TBC1D8: variants seen among roughly 807,000 people sequenced by gnomAD.
TBC1D8 encodes BUB2-like protein 1.
In TBC1D8, 65 loss-of-function variants were observed where a neutral mutation model predicts 118.8. That is an observed-to-expected ratio of 0.55 (90% CI 0.45 to 0.67). The LOEUF is 0.67. TBC1D8 is among the 30% of genes least tolerant of loss of function. TBC1D8 has a pLI of 0.00. For missense variants in TBC1D8, 1,376 were observed against 1,471.2 expected (o/e 0.94, Z 1.06); for synonymous variants, 566 against 595.8 (o/e 0.95, Z 0.73).
At chr2:101,046,532 C>T (rs1028051975) in intron 5 of TBC1D8, among the ~76,000 whole-genome samples, 2 of 152,088 alleles carry the variant, frequency 1.3e-5, no homozygotes, top group Admixed American at 6.6e-5. Context: ...TGTCAGGCTG[C>T]GGGAGCCCCT....
rs144990163 is a variant in TBC1D8 at position 101,009,821 on chromosome 2, C to CATTTTTT, written c.3015+1107_3015+1108insAAAAAAT. ...TGACTTAAGTCCTATAAAAAAGGAG[C>CATTTTTT]TTTTTCTTTTTTTTTTTTGAGATGG... On this transcript the variant is annotated intron_variant, in intron 19 of 19. Transcript: ENST00000409318. 3.0e-5 allele frequency among the ~76,000 whole-genome samples: 4 copies of CATTTTTT among 134,192 alleles called. 1 individual carries two copies. Among genetic ancestry groups the CATTTTTT allele is most frequent in the South Asian group, 2.3e-4 (1 of 4,432 alleles). The allele number at this position is 134,192 out of a possible 152,430, so 88.0% of individuals were successfully genotyped here.
At chr2:101,142,452 T>A (rs1368444439) in intron 1 of TBC1D8, among the ~76,000 whole-genome samples, 9 of 152,132 alleles carry the variant, frequency 5.9e-5, no homozygotes, top group African/African-American at 2.2e-4. Flanking sequence ...TGTATACCTG[T>A]GTGAACACTA....
chr2:101,017,535 A>G (rs1679745218), intron 17 of TBC1D8, among the ~76,000 whole-genome samples: 1 of 152,218 alleles, frequency 6.6e-6, no homozygotes, highest in Admixed American at 6.5e-5. Flanking sequence ...ACCATCATAC[A>G]TGCTGTCTAT....
intron 2 of TBC1D8, among the ~76,000 whole-genome samples, chr2:101,071,262 G>A (rs1333922069): frequency 6.6e-6 from 1 of 152,132 alleles, no homozygotes; most frequent in East Asian, 1.9e-4. Context: ...GGAGAATGGT[G>A]TGAACCCGGG....
chr2:101,046,601 T>C (rs1681720812), intron 5 of TBC1D8, among the ~76,000 whole-genome samples: 1 of 151,530 alleles, frequency 6.6e-6, no homozygotes, highest in Admixed American at 6.6e-5. Context: ...CGAGCTAGAA[T>C]TAGAGGGATG....
At chr2:101,127,622 CAA>C (rs754778134) in intron 1 of TBC1D8, among the ~76,000 whole-genome samples, 17 of 152,192 alleles carry the variant, frequency 1.1e-4, no homozygotes, top group Admixed American at 3.3e-4. Flanking sequence ...ACTACAGACT[CAA>C]ACTCTTGGGC....
chr2:101,148,686 T>C (rs1456813490), intron 1 of TBC1D8, among the ~76,000 whole-genome samples: 4 of 152,134 alleles, frequency 2.6e-5, no homozygotes, highest in Admixed American at 2.0e-4. Flanking sequence ...AGCATCACAA[T>C]AAAGGAAAAG....
At chr2:101,139,177 T>C (rs1279460267) in intron 1 of TBC1D8, among the ~76,000 whole-genome samples, 3 of 151,848 alleles carry the variant, frequency 2.0e-5, no homozygotes, top group Non-Finnish European at 4.4e-5. Context: ...TTGGATGAGG[T>C]GAACTACTCC....
chr2:101,130,834 C>G (rs747023084), intron 1 of TBC1D8, among the ~76,000 whole-genome samples: 1 of 152,174 alleles, frequency 6.6e-6, no homozygotes, highest in Non-Finnish European at 1.5e-5. Flanking sequence ...GAATGGCCTT[C>G]TTTTCCAAGG....
At chr2:101,075,873 T>C (rs1365617285) in intron 2 of TBC1D8, among the ~76,000 whole-genome samples, 2 of 152,202 alleles carry the variant, frequency 1.3e-5, no homozygotes, top group African/African-American at 4.8e-5. Flanking sequence ...ACACAGTGAA[T>C]ATATTTTTAA....
At chr2:101,148,603 T>G (rs1679417289) in intron 1 of TBC1D8, among the ~76,000 whole-genome samples, 1 of 152,182 alleles carries the variant, frequency 6.6e-6, no homozygotes, top group Non-Finnish European at 1.5e-5. Flanking sequence ...CTGATAGTAT[T>G]TCTGAAGTTA....
chr2:101,103,771 C>T (rs561405041), intron 1 of TBC1D8, among the ~76,000 whole-genome samples: 3 of 152,216 alleles, frequency 2.0e-5, no homozygotes, highest in African/African-American at 4.8e-5. Flanking sequence ...AGAAACTGGA[C>T]ATTTTCCCAC....
In TBC1D8 at chr2:101,090,360, G is replaced by A. The variant is rs372195854; in HGVS notation, c.132C>T (p.Arg44=). The part of the protein sequence containing the change: ...HGEGGGRLTG[R]LVGALDAVLD... ...ACACTGCATCCAGAGCGCCGACCAG[G>A]CGACCTTCAAAAGAAAAGAGAAGAA... The change falls in exon 2 of 20, where the codon CGC becomes CGT. Residue 44 remains arginine (R), a synonymous_variant. Transcript: ENST00000409318. 3 of 1,613,794 alleles carry A rather than the reference G, an allele frequency of 1.9e-6. No individual in the cohort carries two copies. Among genetic ancestry groups the A allele is most frequent in the African/African-American group, 2.7e-5 (2 of 74,906 alleles).
intron 1 of TBC1D8, among the ~76,000 whole-genome samples, chr2:101,127,741 G>A (rs1678416689): frequency 6.6e-6 from 1 of 152,176 alleles, no homozygotes. Context: ...AGAGAGATGA[G>A]TCCAACCTCC....
At chr2:101,031,001 C>T (rs1680637639) in intron 11 of TBC1D8, among the ~76,000 whole-genome samples, 1 of 152,080 alleles carries the variant, frequency 6.6e-6, no homozygotes, top group Non-Finnish European at 1.5e-5. Flanking sequence ...CAGAAGAGAA[C>T]TTGCTGGGGT....
At chr2:101,012,681 G>A (rs533004155) in intron 17 of TBC1D8, among the ~76,000 whole-genome samples, 3 of 151,902 alleles carry the variant, frequency 2.0e-5, no homozygotes, top group East Asian at 3.9e-4. Flanking sequence ...TGCATGGTGC[G>A]TGAAATATAT....
intron 1 of TBC1D8, among the ~76,000 whole-genome samples, chr2:101,142,275 A>G (rs565748203): frequency 7.7e-4 from 117 of 152,294 alleles, no homozygotes; most frequent in African/African-American, 2.6e-3. Context: ...GCTGTTCACA[A>G]AAGTCCCAGT....
chr2:101,045,937 G>A (rs1558650546), intron 5 of TBC1D8, among the ~76,000 whole-genome samples: 1 of 152,128 alleles, frequency 6.6e-6, no homozygotes, highest in Non-Finnish European at 1.5e-5. Context: ...AGGCTACAGT[G>A]AGCTGAGATC....
chr2:101,107,210 C>T (rs575821580), intron 1 of TBC1D8, among the ~76,000 whole-genome samples: 4 of 152,274 alleles, frequency 2.6e-5, no homozygotes, highest in South Asian at 4.2e-4. Context: ...GAGTCAGAGA[C>T]AGGTGTGAAC....
Sources: gnomAD v4.1 joint callset for allele counts (sites outside exome capture counted in the v4.1 genomes callset) on GRCh38, gnomAD v4.1.1 for gene constraint, MANE v1.5 for transcripts, NCBI Gene and HGNC (gene_info 2026-07-23, HGNC 2026-07-21) for gene names.